The following AGBL1 variants were observed in gnomAD, a reference collection of about 807,000 sequenced individuals.
AGBL1 encodes cytosolic carboxypeptidase 4.
AGBL1 carries 130 observed loss-of-function variants against 118.9 expected under a neutral mutation model. The ratio of observed to expected loss-of-function variants is 1.09; its 90% CI spans 0.95 to 1.26. AGBL1 has a LOEUF of 1.26. Among genes scored for constraint, AGBL1 ranks in the 50% most tolerant of loss-of-function variants. The probability of loss-of-function intolerance (pLI) is 0.00; values close to 1 mark genes in which losing one functional copy is unlikely to be tolerated. For synonymous variants in AGBL1, 555 were observed against 478.9 expected (o/e 1.16, Z -2.08); for missense variants, 1,584 against 1,298.1 (o/e 1.22, Z -3.38).
intron 22 of AGBL1, among the ~76,000 whole-genome samples, chr15:86,710,820 G>A (rs2086543160): frequency 2.0e-5 from 3 of 152,198 alleles, no homozygotes; most frequent in South Asian, 2.1e-4. Context: ...GGAGGGATAA[G>A]CAGACAGTTT....
At position 86,264,605 on chromosome 15, in the gene AGBL1, G is replaced by A. The variant is rs779446364; in HGVS notation, c.1434G>A (p.Met478Ile). 2.5e-6 allele frequency: 4 copies of A among 1,613,704 alleles called. No homozygotes were observed. The Admixed American group carries it at 5.0e-5, about 20-fold the overall frequency. Reference protein sequence around the residue: ...WDVDAIFCPRMSASFSNSTRT... With the variant: ...WDVDAIFCPRISASFSNSTRT... Reference sequence around the variant, plus strand: ...TAGATGCAATTTTCTGCCCAAGGATGAGTGCCTCCTTTTCTAATTCCACTA... The same window carrying A: ...TAGATGCAATTTTCTGCCCAAGGATAAGTGCCTCCTTTTCTAATTCCACTA... Residue 478 changes from methionine to isoleucine, a missense_variant, in exon 11 of 23, where the codon ATG becomes ATA. Met to Ile is a conservative substitution (Grantham distance 10). Coordinates refer to ENST00000614907, the MANE Select transcript of AGBL1 (RefSeq NM_001386094.1).
chr15:86,209,977 G>A (rs1478760212), intron 5 of AGBL1, among the ~76,000 whole-genome samples: 1 of 152,126 alleles, frequency 6.6e-6, no homozygotes, highest in Non-Finnish European at 1.5e-5. Flanking sequence ...CATGTTTAGT[G>A]CTTCCTTCAG....
intron 5 of AGBL1, among the ~76,000 whole-genome samples, chr15:86,206,925 A>G (rs1567125917): frequency 6.6e-6 from 1 of 152,186 alleles, no homozygotes; most frequent in South Asian, 2.1e-4. Flanking sequence ...GTTTTCTTCT[A>G]GGGTTTTTAT....
chr15:86,598,742 G>T (rs1201973859), intron 21 of AGBL1, among the ~76,000 whole-genome samples: 1 of 152,002 alleles, frequency 6.6e-6, no homozygotes, highest in Non-Finnish European at 1.5e-5. Flanking sequence ...CCTATACTAA[G>T]GATATTACAT....
chr15:86,309,354 GA>G (rs2079886683), intron 17 of AGBL1, among the ~76,000 whole-genome samples: 1 of 152,156 alleles, frequency 6.6e-6, no homozygotes. Context: ...TCTACAAACA[GA>G]AAAATTTTTA....
chr15:86,812,506 C>G (rs1199869486), intron 22 of AGBL1, among the ~76,000 whole-genome samples: 1 of 152,172 alleles, frequency 6.6e-6, no homozygotes, highest in Non-Finnish European at 1.5e-5. Context: ...CGAGCTCCAC[C>G]ACAAGCCTCT....
intron 22 of AGBL1, among the ~76,000 whole-genome samples, chr15:86,736,238 G>T (rs1251286908): frequency 3.3e-5 from 5 of 152,018 alleles, no homozygotes; most frequent in Non-Finnish European, 7.4e-5. Context: ...AAATTAGCTG[G>T]GTGCGGTGGT....
chr15:87,025,802 G>A (rs142893896), intron 24 of AGBL1, among the ~76,000 whole-genome samples: 4,366 of 151,952 alleles, frequency 0.029, 88 homozygotes, highest in Middle Eastern at 0.058. Flanking sequence ...ACTGGTATAA[G>A]AATAGGCACA....
intron 5 of AGBL1, among the ~76,000 whole-genome samples, chr15:86,223,639 C>T (rs1427391308): frequency 2.0e-5 from 3 of 152,060 alleles, no homozygotes; most frequent in South Asian, 4.2e-4. Flanking sequence ...CTAGCCTCGC[C>T]CTCTTTTAAC....
At chr15:86,952,787 T>G (rs1004239937) in intron 23 of AGBL1, among the ~76,000 whole-genome samples, 1 of 152,140 alleles carries the variant, frequency 6.6e-6, no homozygotes, top group Non-Finnish European at 1.5e-5. Context: ...ATTTCCTAGA[T>G]TTTTAAAGAA....
rs571116977 is a variant in AGBL1, at chr15:86,578,646, T to C, written c.2994+24109T>C. On this transcript the variant is annotated intron_variant, in intron 21 of 22. Coordinates refer to ENST00000614907, the MANE Select transcript of AGBL1 (RefSeq NM_001386094.1). Reference sequence around the variant, plus strand: ...TTGGAAGGGACCCAGTGGGAGGTAATTGAATTGTGGGGGCAGGTTTTCCTG... The same window carrying C: ...TTGGAAGGGACCCAGTGGGAGGTAACTGAATTGTGGGGGCAGGTTTTCCTG... Among the ~76,000 whole-genome samples the C allele has an allele frequency of 5.3e-5, 8 of 152,254 alleles. No homozygotes were observed. In the East Asian group the frequency reaches 1.5e-3, roughly 29 times the overall value.
At chr15:86,770,049 G>C (rs895031406) in intron 22 of AGBL1, among the ~76,000 whole-genome samples, 4 of 151,934 alleles carry the variant, frequency 2.6e-5, no homozygotes, top group Non-Finnish European at 5.9e-5. Flanking sequence ...TCTGCAATAG[G>C]ATGAAAATAT....
At chr15:86,576,529 T>G (rs543342772) in intron 21 of AGBL1, among the ~76,000 whole-genome samples, 65 of 152,316 alleles carry the variant, frequency 4.3e-4, no homozygotes, top group Non-Finnish European at 6.9e-4. Context: ...CCAAAGTGAC[T>G]GACACAAGAG....
At chr15:86,724,718 G>A (rs908025305) in intron 22 of AGBL1, among the ~76,000 whole-genome samples, 29 of 152,120 alleles carry the variant, frequency 1.9e-4, no homozygotes, top group African/African-American at 6.0e-4. Flanking sequence ...TGGGGTCATG[G>A]GAGTGGATCC....
rs79490277 is a variant in AGBL1 at position 86,648,760 on chromosome 15, C to T, written c.2995-25513C>T. On this transcript the variant is annotated intron_variant, in intron 21 of 22. Coordinates refer to ENST00000614907, the MANE Select transcript of AGBL1 (RefSeq NM_001386094.1). ...GGAGATGAACTAGTAGTATAGTGTC[C>T]TAGAAGCCCAGTGAAGAGAATATTG... is the stretch of plus-strand genomic sequence containing the variant. Among the ~76,000 whole-genome samples, 1,303 of 152,116 alleles carry T rather than the reference C, an allele frequency of 8.6e-3. 13 individuals are homozygous for T. The highest frequency in any genetic ancestry group is 0.029 in the African/African-American group (1,193 of 41,480).
intron 24 of AGBL1, among the ~76,000 whole-genome samples, chr15:87,014,917 T>C (rs2081595031): frequency 6.6e-6 from 1 of 152,094 alleles, no homozygotes; most frequent in Non-Finnish European, 1.5e-5. Flanking sequence ...TGGTGAAGCA[T>C]TGTTTCTCGG....
At chr15:86,387,274 GGGAATA>G (rs1334861545) in intron 17 of AGBL1, among the ~76,000 whole-genome samples, 1 of 152,146 alleles carries the variant, frequency 6.6e-6, no homozygotes, top group Non-Finnish European at 1.5e-5. Flanking sequence ...AGTGTGTTTT[GGGAATA>G]GTAAAAATCA....
chr15:86,140,419 C>G (rs541997331), intron 1 of AGBL1, among the ~76,000 whole-genome samples: 3 of 151,948 alleles, frequency 2.0e-5, no homozygotes, highest in Non-Finnish European at 4.4e-5. Context: ...TCATGGCCTC[C>G]TTGGAGTTCT....
At chr15:86,414,404 T>G (rs2081661784) in intron 18 of AGBL1, among the ~76,000 whole-genome samples, 2 of 152,138 alleles carry the variant, frequency 1.3e-5, no homozygotes, top group Admixed American at 1.3e-4. Flanking sequence ...TAATATAGCT[T>G]CCCAGAGGTA....
Sources: allele counts gnomAD v4.1 joint callset (sites outside exome capture counted in the v4.1 genomes callset), GRCh38; gene constraint gnomAD v4.1.1; transcripts MANE v1.5; gene names NCBI Gene and HGNC (gene_info 2026-07-23, HGNC 2026-07-21).